Variants in MACROD2 observed in about 807,000 individuals in gnomAD.
The protein encoded by MACROD2 is ADP-ribose glycohydrolase MACROD2.
In MACROD2, 36 loss-of-function variants were observed where a neutral mutation model predicts 70.4. The observed-to-expected ratio is 0.51, with a 90% CI of 0.39 to 0.68. MACROD2 has a LOEUF of 0.68. Among genes scored for constraint, MACROD2 ranks in the 30% least tolerant of loss-of-function variants. The pLI is 0.00. For missense variants in MACROD2, 496 were observed against 538.4 expected (o/e 0.92, Z 0.78); for synonymous variants, 172 against 178.8 (o/e 0.96, Z 0.30).
intron 8 of MACROD2, among the ~76,000 whole-genome samples, chr20:15,784,992 CA>C (rs34347286): frequency 0.35 from 52,419 of 148,788 alleles, 10,680 homozygotes; most frequent in African/African-American, 0.56. Context: ...ACTAAAAATA[CA>C]AAAAAAAAAT....
At chr20:14,228,430 C>T (rs1199404974) in intron 3 of MACROD2, among the ~76,000 whole-genome samples, 4 of 151,310 alleles carry the variant, frequency 2.6e-5, no homozygotes, top group Non-Finnish European at 4.4e-5. Flanking sequence ...CTCCATCTCC[C>T]GGGTTCACGC....
chr20:14,986,934 C>T (rs1362508123), intron 5 of MACROD2, among the ~76,000 whole-genome samples: 4 of 152,070 alleles, frequency 2.6e-5, no homozygotes, highest in African/African-American at 4.8e-5. Flanking sequence ...GTCCTCTAGG[C>T]GGTACAGCTA....
Position 15,365,756 on chromosome 20 carries a change from T to A in MACROD2, c.541-65649T>A, listed in dbSNP as rs556245561. On this transcript the variant is annotated intron_variant, in intron 6 of 17. Coordinates refer to ENST00000684519, the MANE Select transcript of MACROD2 (RefSeq NM_001351661.2). ...AATTATATCAAAAGAGTTTTTAAAT[T>A]TGATTTGATAAATTACATTTCTTTA... Among the ~76,000 whole-genome samples, 137 of 152,252 alleles carry A rather than the reference T, an allele frequency of 9.0e-4. 1 individual carries two copies. The highest frequency in any genetic ancestry group is 3.4e-3 in the Middle Eastern group (1 of 292).
chr20:15,821,388 T>C (rs147107632), intron 8 of MACROD2, among the ~76,000 whole-genome samples: 118 of 152,024 alleles, frequency 7.8e-4, no homozygotes, highest in African/African-American at 2.8e-3. Flanking sequence ...TTATAAATTA[T>C]TAGATATTTT....
intron 8 of MACROD2, among the ~76,000 whole-genome samples, chr20:15,677,702 ACC>A (rs10534866): frequency 0.59 from 76,725 of 129,488 alleles, 22,747 homozygotes; most frequent in Non-Finnish European, 0.73. Context: ...CAACCAACCA[ACC>A]AAATACATCC....
intron 8 of MACROD2, among the ~76,000 whole-genome samples, chr20:15,817,204 A>G (rs2063886502): frequency 6.6e-6 from 1 of 152,208 alleles, no homozygotes; most frequent in Admixed American, 6.5e-5. Flanking sequence ...CTCTTAAATC[A>G]AAGCAAAGAT....
intron 8 of MACROD2, among the ~76,000 whole-genome samples, chr20:15,508,153 T>C (rs1865399280): frequency 6.6e-6 from 1 of 152,178 alleles, no homozygotes; most frequent in African/African-American, 2.4e-5. Flanking sequence ...GCTTGCTGTC[T>C]TCTGCACTTG....
intron 6 of MACROD2, among the ~76,000 whole-genome samples, chr20:15,238,352 T>C (rs1394444810): frequency 6.6e-6 from 1 of 152,094 alleles, no homozygotes; most frequent in Non-Finnish European, 1.5e-5. Context: ...AAAAACAATA[T>C]CACGTGTTGT....
intron 5 of MACROD2, among the ~76,000 whole-genome samples, chr20:14,737,052 C>A (rs1182613335): frequency 1.3e-5 from 2 of 151,860 alleles, no homozygotes; most frequent in African/African-American, 2.4e-5. Flanking sequence ...TTTGCTGCAC[C>A]CATCAACCCG....
At chr20:15,174,493 A>T (rs2076445188) in intron 5 of MACROD2, among the ~76,000 whole-genome samples, 1 of 152,158 alleles carries the variant, frequency 6.6e-6, no homozygotes, top group Non-Finnish European at 1.5e-5. Context: ...TAGCAGCATG[A>T]TTTATAGTCC....
chr20:15,859,453 G>A (rs1160741490), intron 8 of MACROD2, among the ~76,000 whole-genome samples: 3 of 152,136 alleles, frequency 2.0e-5, no homozygotes, highest in Non-Finnish European at 4.4e-5. Flanking sequence ...AAAGCGCATC[G>A]CATGCCATCT....
At chr20:15,465,346 A>G (rs1255268327) in intron 7 of MACROD2, among the ~76,000 whole-genome samples, 1 of 152,260 alleles carries the variant, frequency 6.6e-6, no homozygotes, top group Non-Finnish European at 1.5e-5. Context: ...ACCAGCATTT[A>G]GCCACTCAAG....
chr20:14,875,438 A>AT (rs927768309), intron 5 of MACROD2, among the ~76,000 whole-genome samples: 16 of 152,062 alleles, frequency 1.1e-4, no homozygotes, highest in African/African-American at 3.6e-4. Flanking sequence ...CATCCACTTT[A>AT]TTTTCTCAAA....
intron 5 of MACROD2, chr20:14,934,917 AG>A (rs2074327544): frequency 6.6e-6 from 1 of 152,148 alleles, no homozygotes; most frequent in Non-Finnish European, 1.5e-5. Context: ...GAGAGGGCTG[AG>A]GGAATAAGTA....
At chr20:15,381,492 A>G (rs942216558) in intron 6 of MACROD2, among the ~76,000 whole-genome samples, 12 of 144,804 alleles carry the variant, frequency 8.3e-5, no homozygotes, top group African/African-American at 2.8e-4. Context: ...CTTGAGTCCC[A>G]TCTCTACAAA....
intron 15 of MACROD2, among the ~76,000 whole-genome samples, chr20:15,995,344 A>G (rs911850967): frequency 6.9e-6 from 1 of 145,628 alleles, no homozygotes; most frequent in South Asian, 2.2e-4. Flanking sequence ...TTAACTTTTT[A>G]TTTTATTATT....
intron 8 of MACROD2, among the ~76,000 whole-genome samples, chr20:15,859,332 T>A (rs1471919782): frequency 6.6e-6 from 1 of 152,102 alleles, no homozygotes; most frequent in Non-Finnish European, 1.5e-5. Flanking sequence ...AAAATCCACA[T>A]ATAAGTAGAC....
At chr20:15,071,640 T>C (rs903906523) in intron 5 of MACROD2, among the ~76,000 whole-genome samples, 3 of 152,216 alleles carry the variant, frequency 2.0e-5, no homozygotes, top group Non-Finnish European at 4.4e-5. Flanking sequence ...TAAATTTGCA[T>C]TGTATTTATT....
At chr20:15,874,033 T>G (rs1395244893) in intron 9 of MACROD2, among the ~76,000 whole-genome samples, 1 of 152,088 alleles carries the variant, frequency 6.6e-6, no homozygotes, top group Non-Finnish European at 1.5e-5. Flanking sequence ...TCATTTACCT[T>G]AGGTATTTCT....
Sources: allele counts gnomAD v4.1 joint callset (sites outside exome capture counted in the v4.1 genomes callset), GRCh38; gene constraint gnomAD v4.1.1; transcripts MANE v1.5; gene names NCBI Gene and HGNC (gene_info 2026-07-23, HGNC 2026-07-21).